The following PHTF2 variants were observed in gnomAD, a reference collection of about 807,000 sequenced individuals.
The protein encoded by PHTF2 is putative homeodomain transcription factor 2, also known as protein PHTF2.
PHTF2 carries 60 observed loss-of-function variants against 101.2 expected under a neutral mutation model. That is an observed-to-expected ratio of 0.59 (90% CI 0.48 to 0.73). PHTF2 has a LOEUF of 0.73. Ranked by LOEUF, PHTF2 falls within the 30% of genes least tolerant of loss-of-function variation. PHTF2 has a pLI of 0.00. For missense variants in PHTF2, 747 were observed against 908.7 expected (o/e 0.82, Z 2.29); for synonymous variants, 311 against 307.3 (o/e 1.01, Z -0.13).
chr7:77,916,168 G>A (rs903120478), intron 9 of PHTF2, among the ~76,000 whole-genome samples: 3 of 151,974 alleles, frequency 2.0e-5, no homozygotes, highest in Non-Finnish European at 2.9e-5. Flanking sequence ...TTATTTTTGT[G>A]CATGTTTTGA....
At chr7:77,943,498 G>T (rs990724861) in intron 16 of PHTF2, among the ~76,000 whole-genome samples, 2 of 122,098 alleles carry the variant, frequency 1.6e-5, no homozygotes, top group South Asian at 5.2e-4. Context: ...AGAATTTTTA[G>T]TGACCCAGCT....
intron 7 of PHTF2, among the ~76,000 whole-genome samples, chr7:77,904,099 C>G (rs1801637724): frequency 1.3e-5 from 2 of 152,154 alleles, no homozygotes; most frequent in South Asian, 2.1e-4. Flanking sequence ...CAAATTCAAA[C>G]CAGCTGCTTA....
intron 11 of PHTF2, among the ~76,000 whole-genome samples, chr7:77,927,177 A>ATAT (rs1462222536): frequency 6.4e-5 from 5 of 78,154 alleles, no homozygotes; most frequent in South Asian, 4.1e-4. Flanking sequence ...AAAAAAAAAA[A>ATAT]ATATATATAT....
chr7:77,935,249 G>C (rs548942293), intron 12 of PHTF2, among the ~76,000 whole-genome samples: 193 of 108,782 alleles, frequency 1.8e-3, no homozygotes, highest in African/African-American at 6.2e-3. Context: ...TTCAGACGGA[G>C]TCCCACTCTG....
chr7:77,808,269 G>C (rs1793147698), intron 1 of PHTF2, among the ~76,000 whole-genome samples: 1 of 152,102 alleles, frequency 6.6e-6, no homozygotes, highest in Non-Finnish European at 1.5e-5. Flanking sequence ...GATTGCTTTG[G>C]GTAGTATGGA....
chr7:77,819,483 A>C (rs1451470556), intron 1 of PHTF2, among the ~76,000 whole-genome samples: 1 of 152,208 alleles, frequency 6.6e-6, no homozygotes, highest in East Asian at 1.9e-4. Context: ...TGTATCTATC[A>C]AGATGACCAT....
In PHTF2 at chr7:77,932,619, A is replaced by AGTGT. The variant is rs1390574112; in HGVS notation, c.1338+3293_1338+3294insTGTG. Among the ~76,000 whole-genome samples the AGTGT allele has an allele frequency of 4.3e-3, 477 of 111,596 alleles. 2 individuals carry two copies. The highest frequency in any genetic ancestry group is 5.5e-3 in the Non-Finnish European group (302 of 54,996). 73.2% of individuals were successfully genotyped at this position (111,596 alleles called of 152,430 possible). A position where few individuals can be genotyped will look rare whatever the true frequency, so the allele number is the denominator to read the frequency against. On this transcript the variant is annotated intron_variant, in intron 12 of 19. Coordinates refer to ENST00000416283, the Ensembl canonical transcript of PHTF2. ...GAGAGAGAAAGAGAGAGAGAGAGAG[A>AGTGT]GAGTGTGTGTGTGTGTGTGTGTGTG...
chr7:77,947,404 AAT>A (rs1218506027), intron 16 of PHTF2, among the ~76,000 whole-genome samples: 1 of 151,834 alleles, frequency 6.6e-6, no homozygotes, highest in African/African-American at 2.4e-5. Flanking sequence ...TCTACTGAAA[AAT>A]ACAAAAATTA....
intron 3 of PHTF2, among the ~76,000 whole-genome samples, chr7:77,891,574 G>GT (rs959690244): frequency 2.4e-5 from 2 of 83,384 alleles, no homozygotes; most frequent in Non-Finnish European, 4.4e-5. Context: ...GTATAATATG[G>GT]TTTTTTTTTG....
intron 10 of PHTF2, 87 bp downstream of exon 9, chr7:77,920,552 T>A: frequency 2.2e-6 from 2 of 897,046 alleles, no homozygotes; most frequent in Non-Finnish European, 3.6e-6. Context: ...GCCCTTGAAC[T>A]AAGTATTTTC....
At chr7:77,827,254 C>G (rs1038495890) in intron 1 of PHTF2, among the ~76,000 whole-genome samples, 11 of 152,104 alleles carry the variant, frequency 7.2e-5, no homozygotes, top group Admixed American at 5.2e-4. Context: ...CTTTTAAGAC[C>G]TAAATAACTC....
intron 7 of PHTF2, among the ~76,000 whole-genome samples, chr7:77,905,415 A>G (rs1282741916): frequency 6.6e-6 from 1 of 151,914 alleles, no homozygotes. Context: ...TTATTTTTGT[A>G]GAGATGGGGT....
intron 3 of PHTF2, among the ~76,000 whole-genome samples, chr7:77,875,316 G>A (rs1366655527): frequency 6.6e-6 from 1 of 151,384 alleles, no homozygotes; most frequent in Non-Finnish European, 1.5e-5. Flanking sequence ...TTATTCCTAG[G>A]TTTTTTAAAA....
chr7:77,845,411 G>A (rs561304597), intron 2 of PHTF2, among the ~76,000 whole-genome samples: 2 of 152,318 alleles, frequency 1.3e-5, no homozygotes, highest in African/African-American at 2.4e-5. Context: ...AGAACTGTAT[G>A]ATACAGATCT....
chr7:77,924,977 C>T (rs149707710), intron 11 of PHTF2, among the ~76,000 whole-genome samples: 219 of 152,184 alleles, frequency 1.4e-3, no homozygotes, highest in African/African-American at 5.1e-3. Flanking sequence ...ATGCAGGAGG[C>T]GTCCTAGGGA....
chr7:77,944,438 T>A (rs1425600916), intron 16 of PHTF2, among the ~76,000 whole-genome samples: 3 of 152,184 alleles, frequency 2.0e-5, no homozygotes, highest in African/African-American at 7.2e-5. Context: ...AATATATAAT[T>A]ATAACTCTTC....
chr7:77,911,907 C>T (rs1802433251), intron 9 of PHTF2, among the ~76,000 whole-genome samples: 1 of 152,204 alleles, frequency 6.6e-6, no homozygotes, highest in Non-Finnish European at 1.5e-5. Context: ...GCTCTCCTTT[C>T]TAACTTTGGC....
intron 3 of PHTF2, among the ~76,000 whole-genome samples, chr7:77,858,302 A>G (rs1797341853): frequency 6.6e-6 from 1 of 152,202 alleles, no homozygotes; most frequent in South Asian, 2.1e-4. Context: ...TGTAGCCTAA[A>G]TAATTTGGGT....
chr7:77,846,911 G>A (rs748178548), intron 2 of PHTF2, among the ~76,000 whole-genome samples: 2 of 151,942 alleles, frequency 1.3e-5, no homozygotes, highest in African/African-American at 4.8e-5. Flanking sequence ...CCAAAGTGTC[G>A]ACATTGCAGG....
Sources: gnomAD v4.1 joint callset for allele counts (sites outside exome capture counted in the v4.1 genomes callset) on GRCh38, gnomAD v4.1.1 for gene constraint, MANE v1.5 for transcripts, NCBI Gene and HGNC (gene_info 2026-07-23, HGNC 2026-07-21) for gene names.